MAD1L1: variants seen among roughly 807,000 people sequenced by gnomAD.
MAD1L1 encodes the protein mitotic arrest deficient 1 like 1.
A neutral mutation model predicts 96.9 loss-of-function variants in MAD1L1; 95 were observed. That is an observed-to-expected ratio of 0.98 (90% CI 0.83 to 1.16). The LOEUF (loss-of-function observed/expected upper bound fraction) is 1.16, where lower values mean the gene tolerates loss of function less well. Among genes scored for constraint, MAD1L1 ranks in the 50% most tolerant of loss-of-function variants. The pLI is 0.00. For synonymous variants in MAD1L1, 473 were observed against 396.6 expected, an observed-to-expected ratio of 1.19 and a Z score of -2.29; for missense variants, 1,007 against 954.4, an observed-to-expected ratio of 1.06 and a Z score of -0.73.
At chr7:2,059,678 G>A (rs1784553236) in intron 12 of MAD1L1, among the ~76,000 whole-genome samples, 1 of 151,762 alleles carries the variant, frequency 6.6e-6, no homozygotes, top group Non-Finnish European at 1.5e-5. Context: ...GAGAGGTGTG[G>A]GGCTGGCAGG....
intron 10 of MAD1L1, among the ~76,000 whole-genome samples, chr7:2,166,617 G>A (rs1008959076): frequency 2.0e-5 from 3 of 147,634 alleles, no homozygotes; most frequent in East Asian, 1.9e-4. Flanking sequence ...ACACAACTTC[G>A]GCAAGAAGCT....
chr7:1,883,907 G>T (rs988990862), intron 18 of MAD1L1, among the ~76,000 whole-genome samples: 1 of 152,230 alleles, frequency 6.6e-6, no homozygotes, highest in Admixed American at 6.5e-5. Context: ...CACACGGTCA[G>T]GCCAGGGAGC....
intron 11 of MAD1L1, among the ~76,000 whole-genome samples, chr7:2,121,347 C>T (rs895965808): frequency 2.6e-5 from 4 of 152,248 alleles, no homozygotes; most frequent in African/African-American, 9.6e-5. Context: ...TGCCAGGCAC[C>T]GTGGGGACAG....
At chr7:1,921,440 T>C (rs1186439635) in intron 17 of MAD1L1, among the ~76,000 whole-genome samples, 1 of 152,012 alleles carries the variant, frequency 6.6e-6, no homozygotes, top group East Asian at 1.9e-4. Context: ...CACCTCAGCA[T>C]CTATAGTACC....
rs2128543350 is a variant in MAD1L1, at chr7:2,088,344, G to A, written c.1074-19006C>T. 6.6e-6 allele frequency among the ~76,000 whole-genome samples: 1 copy of A among 152,204 alleles called. No individual in the cohort carries two copies. Among genetic ancestry groups the A allele is most frequent in the South Asian group, 2.1e-4 (1 of 4,810 alleles). On this transcript the variant is annotated intron_variant, in intron 11 of 18. Transcript: ENST00000265854. This position sits in a 1 kb window ranked among gnomAD's most constrained non-coding sequence, Gnocchi z 4.4. ...CAGCACGGTGGTCTCGTGCTACCCT[G>A]GTTCCGTGTCGGCGCCAGCCCTCCA...
chr7:2,107,120 C>T (rs971701408), intron 11 of MAD1L1, among the ~76,000 whole-genome samples: 1 of 152,220 alleles, frequency 6.6e-6, no homozygotes, highest in Non-Finnish European at 1.5e-5. Flanking sequence ...GGCAGCGCAC[C>T]GGGAGGCGTG....
intron 12 of MAD1L1, 83 bp downstream of exon 12, chr7:2,069,111 T>G: frequency 6.9e-7 from 1 of 1,444,678 alleles, no homozygotes; most frequent in Non-Finnish European, 9.1e-7. Context: ...CACTCCTGCC[T>G]CCACAGTGAG....
chr7:1,877,039 T>G (rs1785422987), intron 18 of MAD1L1, among the ~76,000 whole-genome samples: 1 of 149,458 alleles, frequency 6.7e-6, no homozygotes, highest in Non-Finnish European at 1.5e-5. Flanking sequence ...TAGAAGATAA[T>G]GTACTCTCTA....
chr7:1,816,169 C>T lies in MAD1L1; in HGVS notation c.2058G>A (p.Val686=), dbSNP rs1446402379. The change falls in exon 19 of 19, where the codon GTG becomes GTA. Residue 686 remains valine (V), a synonymous_variant. Coordinates refer to ENST00000265854, the MANE Select transcript of MAD1L1 (RefSeq NM_001013836.2). ...QLLETEFSHT[V]GELIEVHLRR... ...GCAGGTGCACCTCGATGAGCTCGCC[C>T]ACGGTGTGTGAGAACTCTGTCTCCA... 2.5e-6 allele frequency: 4 copies of T among 1,613,360 alleles called. No homozygotes were observed. The highest frequency in any genetic ancestry group is 3.4e-6 in the Non-Finnish European group (4 of 1,179,904).
In MAD1L1 at chr7:1,827,662, G is replaced by C. The variant is rs367998855; in HGVS notation, c.1999-11434C>G. Reference sequence around the variant, plus strand: ...TGTGGGGGCCTCCCCTCCTGAGCCCGGCCCGGGTGTGGGGGCCTCCCCTCC... The same window carrying C: ...TGTGGGGGCCTCCCCTCCTGAGCCCCGCCCGGGTGTGGGGGCCTCCCCTCC... On this transcript the variant is annotated intron_variant, in intron 18 of 18. Coordinates refer to ENST00000265854, the MANE Select transcript of MAD1L1 (RefSeq NM_001013836.2). Among the ~76,000 whole-genome samples, 237 of 66,808 alleles carry C rather than the reference G, an allele frequency of 3.5e-3. 6 individuals are homozygous for C. Among genetic ancestry groups the C allele is most frequent in the African/African-American group, 4.0e-3 (83 of 20,650 alleles). 43.8% of individuals were successfully genotyped at this position (66,808 alleles called of 152,430 possible).
At chr7:2,179,528 CAAA>C (rs1254973924) in intron 10 of MAD1L1, among the ~76,000 whole-genome samples, 9 of 79,952 alleles carry the variant, frequency 1.1e-4, no homozygotes, top group Admixed American at 1.4e-4. Context: ...GACTCTGTCT[CAAA>C]AAAAAAAAAA....
At chr7:2,041,914 C>G (rs1256107998) in intron 12 of MAD1L1, among the ~76,000 whole-genome samples, 1 of 152,214 alleles carries the variant, frequency 6.6e-6, no homozygotes, top group African/African-American at 2.4e-5. Context: ...CCCGCAGCAC[C>G]TCCTGCTCTG....
intron 18 of MAD1L1, among the ~76,000 whole-genome samples, chr7:1,843,283 A>G (rs934276374): frequency 6.6e-6 from 1 of 152,174 alleles, no homozygotes; most frequent in East Asian, 1.9e-4. Flanking sequence ...CTTCGGCAGT[A>G]AATCAACTAA....
At chr7:2,117,911 T>G (rs949455118) in intron 11 of MAD1L1, among the ~76,000 whole-genome samples, 1 of 152,082 alleles carries the variant, frequency 6.6e-6, no homozygotes, top group Non-Finnish European at 1.5e-5. Flanking sequence ...CTCACTTGTA[T>G]CCACAAACAT....
At position 2,090,253 on chromosome 7, in the gene MAD1L1, C is replaced by T. The variant is rs11971976; in HGVS notation, c.1074-20915G>A. Among the ~76,000 whole-genome samples the T allele has an allele frequency of 6.4e-3, 970 of 152,274 alleles. 15 individuals carry two copies. The highest frequency in any genetic ancestry group is 0.022 in the African/African-American group (925 of 41,558). On this transcript the variant is annotated intron_variant, in intron 11 of 18. Transcript: ENST00000265854. Reference sequence around the variant, plus strand: ...AGACAAAGCAGGTCCACTGAGTCACCGGCGCTCGGGGAGGGGCCAGGTCCA... The same window carrying T: ...AGACAAAGCAGGTCCACTGAGTCACTGGCGCTCGGGGAGGGGCCAGGTCCA...
intron 17 of MAD1L1, among the ~76,000 whole-genome samples, chr7:1,907,699 G>A (rs1450096233): frequency 2.0e-5 from 3 of 152,218 alleles, no homozygotes; most frequent in African/African-American, 7.2e-5. Flanking sequence ...CCTGCCCCCG[G>A]GTCAGTGAGA....
At chr7:1,873,559 G>A (rs989717993) in intron 18 of MAD1L1, among the ~76,000 whole-genome samples, 2 of 152,014 alleles carry the variant, frequency 1.3e-5, no homozygotes, top group Admixed American at 1.3e-4. Context: ...CTACGGATGG[G>A]GGCCAAGGGG....
chr7:1,843,141 G>A (rs950705365), intron 18 of MAD1L1, among the ~76,000 whole-genome samples: 9 of 152,054 alleles, frequency 5.9e-5, no homozygotes, highest in Non-Finnish European at 1.2e-4. Flanking sequence ...GCACAGTGCC[G>A]GGATCCTGTG....
chr7:1,939,046 GCACA>G (rs34624169), intron 16 of MAD1L1, among the ~76,000 whole-genome samples: 10 of 107,292 alleles, frequency 9.3e-5, no homozygotes, highest in South Asian at 3.3e-4. Flanking sequence ...GGGGCCAGAG[GCACA>G]CACACACACA....
Sources: gnomAD v4.1 joint callset for allele counts (sites outside exome capture counted in the v4.1 genomes callset) on GRCh38, gnomAD v4.1.1 for gene constraint, Gnocchi (gnomAD v3.1) non-coding constraint, MANE v1.5 for transcripts, NCBI Gene and HGNC (gene_info 2026-07-23, HGNC 2026-07-21) for gene names.